Variants in ZC3H7A observed in about 807,000 individuals in gnomAD.
ZC3H7A encodes zinc finger CCCH-type containing 7A, also known as zinc finger CCCH domain-containing protein 7A.
In ZC3H7A, 44 loss-of-function variants were observed where a neutral mutation model predicts 125.5. The ratio of observed to expected loss-of-function variants is 0.35; its 90% CI spans 0.28 to 0.45. The LOEUF is 0.45. ZC3H7A is among the 20% of genes least tolerant of loss of function. The probability of loss-of-function intolerance (pLI) is 1.00; values close to 1 mark genes in which losing one functional copy is unlikely to be tolerated. For synonymous variants in ZC3H7A, 399 were observed against 391.2 expected (o/e 1.02, Z -0.23); for missense variants, 977 against 1,170.7 (o/e 0.83, Z 2.41).
intron 21 of ZC3H7A, among the ~76,000 whole-genome samples, chr16:11,755,763 TGAG>T (rs2052634855): frequency 6.6e-6 from 1 of 152,064 alleles, no homozygotes; most frequent in South Asian, 2.1e-4. Context: ...TTTTTTCACA[TGAG>T]GAGACTTAAG....
intron 9 of ZC3H7A, among the ~76,000 whole-genome samples, chr16:11,772,948 C>G (rs995691437): frequency 1.3e-5 from 2 of 151,704 alleles, no homozygotes; most frequent in Admixed American, 1.3e-4. Context: ...GCCTCAGCCT[C>G]CCAAAGTGCT....
intron 22 of ZC3H7A, among the ~76,000 whole-genome samples, chr16:11,751,972 C>G (rs1162611306): frequency 4.1e-5 from 6 of 147,840 alleles, no homozygotes; most frequent in Non-Finnish European, 8.9e-5. Flanking sequence ...GTAACGCAAC[C>G]TCGGCTCACT....
chr16:11,777,330 T>C (rs949264946), intron 4 of ZC3H7A, among the ~76,000 whole-genome samples: 2 of 152,142 alleles, frequency 1.3e-5, no homozygotes, highest in African/African-American at 4.8e-5. Flanking sequence ...ACAAAATAAA[T>C]AAACAATGAA....
chr16:11,771,345 G>C (rs983042186), intron 9 of ZC3H7A, among the ~76,000 whole-genome samples: 2 of 151,492 alleles, frequency 1.3e-5, no homozygotes, highest in Admixed American at 6.6e-5. Flanking sequence ...CCAAGATCAC[G>C]CAATTGCACT....
At chr16:11,754,623 G>A (rs907822960) in intron 21 of ZC3H7A, among the ~76,000 whole-genome samples, 4 of 152,154 alleles carry the variant, frequency 2.6e-5, no homozygotes, top group Non-Finnish European at 5.9e-5. Flanking sequence ...TGGGCACGGT[G>A]GCTCACGCCT....
At chr16:11,758,298 G>A in intron 20 of ZC3H7A, 133 bp downstream of exon 20, 1 of 696,912 alleles carries the variant, frequency 1.4e-6, no homozygotes, top group Non-Finnish European at 2.5e-6. Flanking sequence ...CGCCAACAGA[G>A]CTACTGATGA....
chr16:11,781,510 G>A (rs377143935), intron 2 of ZC3H7A, 46 bp from the exon 3 acceptor site: 37 of 1,593,734 alleles, frequency 2.3e-5, no homozygotes, highest in African/African-American at 2.3e-4. Context: ...GCTCCTTATC[G>A]GGACCTGTTC....
chr16:11,784,607 C>G (rs1177552853), intron 1 of ZC3H7A, among the ~76,000 whole-genome samples: 1 of 152,036 alleles, frequency 6.6e-6, no homozygotes, highest in Non-Finnish European at 1.5e-5. Flanking sequence ...TGTAATCCAG[C>G]ACTTTGAGAG....
intron 1 of ZC3H7A, among the ~76,000 whole-genome samples, chr16:11,792,494 T>C (rs1388952930): frequency 6.6e-6 from 1 of 152,224 alleles, no homozygotes; most frequent in Non-Finnish European, 1.5e-5. Context: ...TGACCTTACA[T>C]GGTAACTTTA....
intron 3 of ZC3H7A, among the ~76,000 whole-genome samples, chr16:11,780,035 G>A (rs2053149422): frequency 6.6e-6 from 1 of 151,756 alleles, no homozygotes; most frequent in South Asian, 2.1e-4. Flanking sequence ...TTCTTATCAA[G>A]TAAGTATACA....
intron 1 of ZC3H7A, among the ~76,000 whole-genome samples, chr16:11,785,308 C>T (rs968760965): frequency 3.9e-5 from 6 of 151,936 alleles, no homozygotes; most frequent in African/African-American, 1.5e-4. Flanking sequence ...CAGTGCACTC[C>T]AGCCTGGGTG....
intron 1 of ZC3H7A, among the ~76,000 whole-genome samples, chr16:11,790,766 C>T (rs373794826): frequency 4.6e-5 from 7 of 151,976 alleles, no homozygotes; most frequent in African/African-American, 1.7e-4. Context: ...CTTGAACTCC[C>T]GACCTCAGGT....
rs547587571 is a variant in ZC3H7A at position 11,791,562 on chromosome 16, C to T, written c.-35+5562G>A. On this transcript the variant is annotated intron_variant, in intron 1 of 22. Transcript: ENST00000355758. The stretch of plus-strand genomic sequence containing the variant: ...AGATCTGGGTCCAGCTCAACAAATA[C>T]TTGAACAAAGAATGAAGTAAGCAGC... 4.9e-4 allele frequency among the ~76,000 whole-genome samples: 75 copies of T among 152,298 alleles called. 1 individual carries two copies. The highest frequency in any genetic ancestry group is 1.3e-4 in the Non-Finnish European group (9 of 68,036).
At chr16:11,795,165 A>T (rs2053417002) in intron 1 of ZC3H7A, among the ~76,000 whole-genome samples, 1 of 152,216 alleles carries the variant, frequency 6.6e-6, no homozygotes, top group Non-Finnish European at 1.5e-5. Flanking sequence ...ACTGTCCATT[A>T]ACTTGAATTA....
chr16:11,776,736 CTA>C lies in ZC3H7A; in HGVS notation c.465+13_465+14del, dbSNP rs751001145. 14 of 1,583,650 alleles carry C rather than the reference CTA, an allele frequency of 8.8e-6. No individual in the cohort carries two copies. The highest frequency in any genetic ancestry group is 1.0e-5 in the Non-Finnish European group (12 of 1,170,796). ...AATGGTTACGATGTAAACAAATAAA[CTA>C]TAAATTCCATACCTGAGGCACTGCT... On this transcript the variant is annotated intron_variant, in intron 5 of 22. Transcript: ENST00000355758.
chr16:11,755,472 G>A (rs1348386748), intron 21 of ZC3H7A, among the ~76,000 whole-genome samples: 23 of 152,114 alleles, frequency 1.5e-4, no homozygotes, highest in Admixed American at 1.4e-3. Flanking sequence ...ACAGACCACT[G>A]GTAACTTAAT....
chr16:11,774,085 T>G, intron 9 of ZC3H7A, 151 bp downstream of exon 9: 1 of 712,432 alleles, frequency 1.4e-6, no homozygotes, highest in Non-Finnish European at 2.0e-6. Context: ...TTAACCAGTT[T>G]CAGTAGAGAA....
intron 1 of ZC3H7A, chr16:11,796,866 G>A (rs1273486906): frequency 2.0e-5 from 3 of 151,276 alleles, no homozygotes; most frequent in Non-Finnish European, 4.4e-5. Flanking sequence ...GGGAATGGCA[G>A]GCAGAAGTGG....
intron 15 of ZC3H7A, among the ~76,000 whole-genome samples, 200 bp from the exon 16 acceptor site, chr16:11,763,859 A>G (rs1403019460): frequency 6.9e-6 from 1 of 144,506 alleles, no homozygotes; most frequent in Non-Finnish European, 1.5e-5. Context: ...GCTGGAGTGC[A>G]GTGGCGCGAT....
Sources: gnomAD v4.1 joint callset for allele counts (sites outside exome capture counted in the v4.1 genomes callset) on GRCh38, gnomAD v4.1.1 for gene constraint, MANE v1.5 for transcripts, NCBI Gene and HGNC (gene_info 2026-07-23, HGNC 2026-07-21) for gene names.